The following ZNF521 variants were observed in gnomAD, a reference collection of about 807,000 sequenced individuals.
ZNF521 encodes zinc finger protein 521.
ZNF521 carries 14 observed loss-of-function variants against 105.5 expected under a neutral mutation model. The observed-to-expected ratio is 0.13, with a 90% confidence interval of 0.09 to 0.21. The LOEUF is 0.21. ZNF521 is among the 10% of genes least tolerant of loss of function. The pLI is 1.00. For missense variants in ZNF521, 1,233 were observed against 1,629.7 expected (o/e 0.76, Z 4.19); for synonymous variants, 635 against 606.0 (o/e 1.05, Z -0.70).
intron 7 of ZNF521, among the ~76,000 whole-genome samples, chr18:25,077,772 G>T (rs1340445877): frequency 6.6e-6 from 1 of 152,076 alleles, no homozygotes; most frequent in East Asian, 1.9e-4. Context: ...TGCAACTGTG[G>T]TTAAGCAGAG....
intron 3 of ZNF521, among the ~76,000 whole-genome samples, chr18:25,260,402 T>G (rs1393711942): frequency 6.6e-6 from 1 of 151,868 alleles, no homozygotes; most frequent in Non-Finnish European, 1.5e-5. Context: ...AATAGGGATA[T>G]AAAGTATGGG....
At chr18:25,194,713 A>G (rs59098069) in intron 5 of ZNF521, among the ~76,000 whole-genome samples, 7,581 of 151,710 alleles carry the variant, frequency 0.05, 298 homozygotes, top group African/African-American at 0.1. Flanking sequence ...TGGCTATTTA[A>G]ATTATTTATG....
At chr18:25,250,860 G>C (rs1908071786) in intron 3 of ZNF521, among the ~76,000 whole-genome samples, 1 of 152,176 alleles carries the variant, frequency 6.6e-6, no homozygotes, top group South Asian at 2.1e-4. Context: ...ATGATTGTGA[G>C]GGTAAGAGAT....
intron 3 of ZNF521, among the ~76,000 whole-genome samples, chr18:25,299,489 T>A (rs545379633): frequency 1.3e-5 from 2 of 152,276 alleles, no homozygotes; most frequent in South Asian, 4.1e-4. Flanking sequence ...AGGAGACAAA[T>A]ACCTGAAATA....
chr18:25,316,391 A>T (rs1196630878), intron 3 of ZNF521, among the ~76,000 whole-genome samples: 1 of 137,214 alleles, frequency 7.3e-6, no homozygotes, highest in Non-Finnish European at 1.5e-5. Flanking sequence ...GTATATATAA[A>T]AATACCTTCC....
At chr18:25,278,289 T>G (rs989630551) in intron 3 of ZNF521, among the ~76,000 whole-genome samples, 1 of 152,194 alleles carries the variant, frequency 6.6e-6, no homozygotes, top group African/African-American at 2.4e-5. Context: ...TTTGTGTTAC[T>G]TACTCATTAG....
intron 5 of ZNF521, among the ~76,000 whole-genome samples, chr18:25,148,253 G>A (rs948484064): frequency 2.0e-5 from 3 of 152,164 alleles, no homozygotes; most frequent in African/African-American, 2.4e-5. Context: ...ATAAATGGAC[G>A]TGACATAATT....
chr18:25,127,983 C>G (rs2034567896), intron 5 of ZNF521, among the ~76,000 whole-genome samples: 2 of 151,930 alleles, frequency 1.3e-5, no homozygotes, highest in African/African-American at 2.4e-5. Context: ...TGATGCCAGC[C>G]TTTACCTAAT....
At chr18:25,080,865 G>GA (rs1266340622) in intron 7 of ZNF521, among the ~76,000 whole-genome samples, 1 of 152,248 alleles carries the variant, frequency 6.6e-6, no homozygotes, top group Non-Finnish European at 1.5e-5. Context: ...ATCTAAAATA[G>GA]AAACAGGTGG....
chr18:25,176,359 A>C (rs2035534799), intron 5 of ZNF521, among the ~76,000 whole-genome samples: 1 of 152,184 alleles, frequency 6.6e-6, no homozygotes, highest in South Asian at 2.1e-4. Context: ...CTGGTGAACA[A>C]GTGTCTGCTT....
intron 2 of ZNF521, among the ~76,000 whole-genome samples, chr18:25,349,737 G>C (rs951050641): frequency 1.2e-4 from 18 of 151,128 alleles, no homozygotes; most frequent in Non-Finnish European, 1.5e-5. Context: ...CTGCGCCGCC[G>C]GGGACCAGAG....
Position 25,351,930 on chromosome 18 carries a change from G to GAGGAGGAGGAGGAGGAGAGCCGGGAGC in ZNF521, c.-2+48_-2+74dup, listed in dbSNP as rs747098006. The GAGGAGGAGGAGGAGGAGAGCCGGGAGC allele has an allele frequency of 6.1e-4, 150 of 247,012 alleles. 1 individual carries two copies. Among genetic ancestry groups the GAGGAGGAGGAGGAGGAGAGCCGGGAGC allele is most frequent in the Middle Eastern group, 1.7e-3 (2 of 1,182 alleles). 15.3% of individuals were successfully genotyped at this position (247,012 alleles called of 1,614,324 possible). On this transcript the variant is annotated intron_variant, in intron 1 of 7. Transcript: ENST00000361524. ...GCGGCGGCAGCGGCGGCGAGAGCAG[G>GAGGAGGAGGAGGAGGAGAGCCGGGAGC]AGGAGGAGGAGGAGGAGAGCCGGGA...
At chr18:25,121,335 A>C (rs55701338) in intron 5 of ZNF521, among the ~76,000 whole-genome samples, 39,290 of 147,932 alleles carry the variant, frequency 0.27, 6,241 homozygotes, top group Non-Finnish European at 0.35. Flanking sequence ...GCTCACTGCA[A>C]CCTCCGCCTC....
intron 5 of ZNF521, among the ~76,000 whole-genome samples, chr18:25,120,944 A>C (rs918001915): frequency 3.9e-5 from 6 of 152,146 alleles, no homozygotes; most frequent in Non-Finnish European, 8.8e-5. Context: ...GGTGGTAAGA[A>C]ACCTGGTTCA....
chr18:25,250,400 T>G (rs1908031171), intron 3 of ZNF521, among the ~76,000 whole-genome samples: 1 of 152,216 alleles, frequency 6.6e-6, no homozygotes, highest in South Asian at 2.1e-4. Context: ...CCATATTTAC[T>G]GTGGAATAGA....
intron 7 of ZNF521, among the ~76,000 whole-genome samples, chr18:25,068,212 G>T (rs2033121351): frequency 6.6e-6 from 1 of 152,162 alleles, no homozygotes; most frequent in South Asian, 2.1e-4. Context: ...GAAATATAAA[G>T]ATTAAATGTG....
chr18:25,161,253 T>C (rs975906661), intron 5 of ZNF521, among the ~76,000 whole-genome samples: 6 of 151,970 alleles, frequency 3.9e-5, no homozygotes, highest in Admixed American at 6.6e-5. Context: ...ACACACACGG[T>C]GGTTGGGGGA....
At position 25,120,647 on chromosome 18, in the gene ZNF521, G is replaced by A. The variant is rs1184728820; in HGVS notation, c.3659-28566C>T. ...CAAACAAAAAAACCTAGTAGGACTG[G>A]CCTATAACCATAATTCAGTCAGCCA... On this transcript the variant is annotated intron_variant, in intron 5 of 7. Transcript: ENST00000361524. 2.6e-5 allele frequency among the ~76,000 whole-genome samples: 4 copies of A among 150,988 alleles called. No homozygotes were observed. The East Asian group carries it at 7.8e-4, about 29-fold the overall frequency.
chr18:25,176,569 C>T (rs989173704), intron 5 of ZNF521, among the ~76,000 whole-genome samples: 2 of 152,138 alleles, frequency 1.3e-5, no homozygotes, highest in Non-Finnish European at 2.9e-5. Context: ...TTAATTTTTG[C>T]TTTAATTACT....
Sources: gnomAD v4.1 joint callset for allele counts (sites outside exome capture counted in the v4.1 genomes callset) on GRCh38, gnomAD v4.1.1 for gene constraint, MANE v1.5 for transcripts, NCBI Gene and HGNC (gene_info 2026-07-23, HGNC 2026-07-21) for gene names.